Variants in RGS7BP observed in about 807,000 individuals in gnomAD.
RGS7BP encodes the protein regulator of G protein signaling 7-binding protein.
RGS7BP carries 9 observed loss-of-function variants against 31.3 expected under a neutral mutation model. The ratio of observed to expected loss-of-function variants is 0.29; its 90% CI spans 0.17 to 0.50. The LOEUF (loss-of-function observed/expected upper bound fraction) is 0.50, where lower values mean the gene tolerates loss of function less well. Ranked by LOEUF, RGS7BP falls within the 20% of genes least tolerant of loss-of-function variation. The pLI, the probability that RGS7BP is intolerant of heterozygous loss-of-function variation, is 0.98. For synonymous variants in RGS7BP, 115 were observed against 120.1 expected, an observed-to-expected ratio of 0.96 and a Z score of 0.28; for missense variants, 274 against 322.0, an observed-to-expected ratio of 0.85 and a Z score of 1.14.
intron 2 of RGS7BP, among the ~76,000 whole-genome samples, chr5:64,544,904 T>A (rs1001286800): frequency 6.6e-6 from 1 of 152,038 alleles, no homozygotes; most frequent in Non-Finnish European, 1.5e-5. Flanking sequence ...TGGCCGGGCG[T>A]GGTGGCTCAT....
chr5:64,561,754 T>C (rs1374774144), intron 2 of RGS7BP, among the ~76,000 whole-genome samples: 2 of 152,180 alleles, frequency 1.3e-5, no homozygotes, highest in Admixed American at 6.6e-5. Context: ...TGATCTTACA[T>C]AATTTATGCC....
chr5:64,606,209 G>T (rs967446889), intron 5 of RGS7BP, among the ~76,000 whole-genome samples: 2 of 151,702 alleles, frequency 1.3e-5, no homozygotes, highest in African/African-American at 4.8e-5. Context: ...ATACCTACTT[G>T]CTTTTAATAT....
At chr5:64,577,283 A>T (rs1234696993) in intron 3 of RGS7BP, among the ~76,000 whole-genome samples, 2 of 152,000 alleles carry the variant, frequency 1.3e-5, no homozygotes, top group Non-Finnish European at 2.9e-5. Context: ...CTAAAAATAC[A>T]AAAACAAAAT....
At chr5:64,591,007 A>C (rs1278191801) in intron 3 of RGS7BP, among the ~76,000 whole-genome samples, 1 of 152,138 alleles carries the variant, frequency 6.6e-6, no homozygotes, top group African/African-American at 2.4e-5. Context: ...CAAGTATTAG[A>C]AGAAAATATA....
At chr5:64,606,119 G>GT (rs990147621) in intron 5 of RGS7BP, among the ~76,000 whole-genome samples, 1 of 150,354 alleles carries the variant, frequency 6.7e-6, no homozygotes, top group Non-Finnish European at 1.5e-5. Context: ...AGGTTTTTAG[G>GT]TTTTTTTTAA....
chr5:64,609,157 A>G lies in RGS7BP; in HGVS notation c.683-4A>G. 12 of 1,593,178 alleles carry G rather than the reference A, an allele frequency of 7.5e-6. No homozygotes were observed. The highest frequency in any genetic ancestry group is 1.0e-5 in the Non-Finnish European group (12 of 1,161,334). On this transcript the variant is annotated splice_region_variant and splice_polypyrimidine_tract_variant and intron_variant, in intron 5 of 5. Coordinates refer to ENST00000334025, the MANE Select transcript of RGS7BP (RefSeq NM_001029875.3). ...ACTTATGTGCACATTATGTCCCATC[A>G]CAGATGACAGCAGCCTTCTGAATCT...
At chr5:64,552,120 T>TA (rs1236265098) in intron 2 of RGS7BP, among the ~76,000 whole-genome samples, 1 of 152,200 alleles carries the variant, frequency 6.6e-6, no homozygotes, top group Non-Finnish European at 1.5e-5. Flanking sequence ...AGGTATATTT[T>TA]AAAGTGTATT....
intron 5 of RGS7BP, among the ~76,000 whole-genome samples, chr5:64,601,791 C>T (rs1043440794): frequency 2.6e-5 from 4 of 152,132 alleles, no homozygotes; most frequent in Admixed American, 6.5e-5. Flanking sequence ...TGCAAGGTTA[C>T]GGACAGAGGC....
chr5:64,548,876 C>T (rs1345074241), intron 2 of RGS7BP, among the ~76,000 whole-genome samples: 5 of 143,258 alleles, frequency 3.5e-5, no homozygotes, highest in African/African-American at 1.4e-4. Flanking sequence ...TTACTAAGTA[C>T]CCTAATTACT....
chr5:64,517,630 T>C (rs1266392054), intron 2 of RGS7BP, among the ~76,000 whole-genome samples: 1 of 152,218 alleles, frequency 6.6e-6, no homozygotes, highest in Admixed American at 6.5e-5. Context: ...TGCACCTCAT[T>C]ATAGTCCACC....
chr5:64,532,614 G>T (rs1298212921), intron 2 of RGS7BP, among the ~76,000 whole-genome samples: 1 of 152,136 alleles, frequency 6.6e-6, no homozygotes, highest in African/African-American at 2.4e-5. Context: ...ACTTCCTGGT[G>T]AAAGTAAAAG....
At chr5:64,517,192 A>G (rs567742392) in intron 2 of RGS7BP, among the ~76,000 whole-genome samples, 2 of 152,234 alleles carry the variant, frequency 1.3e-5, no homozygotes, top group South Asian at 2.1e-4. Flanking sequence ...GCATAGAAGG[A>G]GGAAGAAAAG....
chr5:64,509,395 A>G (rs1471660252), intron 2 of RGS7BP, among the ~76,000 whole-genome samples: 1 of 152,222 alleles, frequency 6.6e-6, no homozygotes, highest in Non-Finnish European at 1.5e-5. Context: ...ACTCAAAATG[A>G]GAACATGTTC....
At chr5:64,520,440 T>C (rs979699306) in intron 2 of RGS7BP, among the ~76,000 whole-genome samples, 1 of 152,210 alleles carries the variant, frequency 6.6e-6, no homozygotes, top group Non-Finnish European at 1.5e-5. Context: ...AACAAAATTA[T>C]GGCCTTACTG....
At position 64,597,034 on chromosome 5, in the gene RGS7BP, C is replaced by T. The variant is rs182164482; in HGVS notation, c.612-1331C>T. Among the ~76,000 whole-genome samples the T allele has an allele frequency of 1.8e-3, 267 of 152,266 alleles. 1 individual carries two copies. Among genetic ancestry groups the T allele is most frequent in the Non-Finnish European group, 2.9e-3 (198 of 68,014 alleles). ...ACAAAACTTTCCTAAACCCATGGTG[C>T]CTGCCAATGCTTGCCTATCCTCAGT... On this transcript the variant is annotated intron_variant, in intron 4 of 5. Coordinates refer to ENST00000334025, the MANE Select transcript of RGS7BP (RefSeq NM_001029875.3).
rs140286641 is a variant in RGS7BP, at chr5:64,576,012, C to T, written c.463+108C>T. On this transcript the variant is annotated intron_variant, in intron 3 of 5. Transcript: ENST00000334025. Reference sequence around the variant, plus strand: ...TCATATGCCTATCTATATGCAATTACGATGAATTTAAATGTTCAGGAAATG... The same window carrying T: ...TCATATGCCTATCTATATGCAATTATGATGAATTTAAATGTTCAGGAAATG... 203 of 942,358 alleles carry T rather than the reference C, an allele frequency of 2.2e-4. 1 individual carries two copies. The highest frequency in any genetic ancestry group is 7.1e-4 in the Middle Eastern group (2 of 2,814). 58.4% of individuals were successfully genotyped at this position (942,358 alleles called of 1,614,324 possible). A position where few individuals can be genotyped will look rare whatever the true frequency, so the allele number is the denominator to read the frequency against.
At chr5:64,570,090 A>G (rs1742270114) in intron 2 of RGS7BP, among the ~76,000 whole-genome samples, 1 of 152,068 alleles carries the variant, frequency 6.6e-6, no homozygotes, top group Non-Finnish European at 1.5e-5. Context: ...TTTTTTCCTC[A>G]GCCTAATGGC....
chr5:64,520,583 CTT>C (rs1749080872), intron 2 of RGS7BP, among the ~76,000 whole-genome samples: 1 of 152,190 alleles, frequency 6.6e-6, no homozygotes, highest in Admixed American at 6.5e-5. Flanking sequence ...TTGGGGGCAC[CTT>C]CTTTCCTGGT....
chr5:64,526,674 T>C (rs1749238628), intron 2 of RGS7BP, among the ~76,000 whole-genome samples: 1 of 152,124 alleles, frequency 6.6e-6, no homozygotes, highest in Non-Finnish European at 1.5e-5. Flanking sequence ...AGGCTACAGA[T>C]GATCAGGCCA....
Sources: gnomAD v4.1 joint callset for allele counts (sites outside exome capture counted in the v4.1 genomes callset) on GRCh38, gnomAD v4.1.1 for gene constraint, MANE v1.5 for transcripts, NCBI Gene and HGNC (gene_info 2026-07-23, HGNC 2026-07-21) for gene names.